Variants in MGAT5B observed in about 807,000 individuals in gnomAD.
MGAT5B encodes the protein alpha-1,6-mannosylglycoprotein 6-beta-N-acetylglucosaminyltransferase B.
A neutral mutation model predicts 95.1 loss-of-function variants in MGAT5B; 54 were observed. That is an observed-to-expected ratio of 0.57 (90% CI 0.46 to 0.71). The LOEUF (loss-of-function observed/expected upper bound fraction) is 0.71. Among genes scored for constraint, MGAT5B ranks in the 30% least tolerant of loss-of-function variants. The pLI is 0.00. For synonymous variants in MGAT5B, 464 were observed against 451.0 expected, an observed-to-expected ratio of 1.03 and a Z score of -0.36; for missense variants, 935 against 1,088.6, an observed-to-expected ratio of 0.86 and a Z score of 1.99.
intron 12 of MGAT5B, among the ~76,000 whole-genome samples, chr17:76,937,117 A>G (rs4789379): frequency 0.18 from 27,038 of 151,696 alleles, 2,604 homozygotes; most frequent in East Asian, 0.4. Flanking sequence ...CTCTTGGCTT[A>G]TAGCTGGGGG....
At chr17:76,873,102 GGC>G in intron 2 of MGAT5B, 139 bp downstream of exon 2, 4 of 926,600 alleles carry the variant, frequency 4.3e-6, no homozygotes, top group Non-Finnish European at 6.5e-6. Context: ...CCTGGGCTTG[GGC>G]CGTATGACCC....
intron 10 of MGAT5B, among the ~76,000 whole-genome samples, chr17:76,929,317 G>T (rs950750497): frequency 1.3e-5 from 2 of 152,142 alleles, no homozygotes; most frequent in African/African-American, 2.4e-5. Context: ...GGTGGAGCCC[G>T]CTGGATGTGG....
At chr17:76,882,486 T>TCTTTAAATAAAAC (rs1967465692) in intron 3 of MGAT5B, 188 bp downstream of exon 3, 1 of 642,652 alleles carries the variant, frequency 1.6e-6, no homozygotes, top group East Asian at 3.2e-5. Flanking sequence ...ATTTGTGGCC[T>TCTTTAAATAAAAC]GTTTTCCTCT....
At position 76,925,072 on chromosome 17, in the gene MGAT5B, A is replaced by G. The variant is rs766070064; in HGVS notation, c.1132A>G (p.Met378Val). Residue 378 changes from methionine to valine, a missense_variant, in exon 9 of 18, where the codon ATG becomes GTG. Physicochemically the swap from Met to Val is conservative, Grantham distance 21 (BLOSUM62 1). This residue lies in a region of MGAT5B where 243 missense variants were observed against 305.5 expected (regional missense o/e 0.80). Transcript: ENST00000569840. ...CGGCCTGCAGCAGATGAAGCGGCAC[A>G]TGGGACTCTCCTTCAAGAAGTACCG... ...YHGLQQMKRH[M>V]GLSFKKYRCR... 6.2e-7 allele frequency: 1 copy of G among 1,611,348 alleles called. No homozygotes were observed. The highest frequency in any genetic ancestry group is 1.7e-5 in the Admixed American group (1 of 59,922).
At position 76,870,753 on chromosome 17, in the gene MGAT5B, G is replaced by A. The variant is rs1966982643; in HGVS notation, c.68+1656G>A. Reference sequence around the variant, plus strand: ...TGAGTCCCTTCAGTTGAGGTGGGGGGCAGGCTGCAATCATAGCACCCCAGC... The same window carrying A: ...TGAGTCCCTTCAGTTGAGGTGGGGGACAGGCTGCAATCATAGCACCCCAGC... On this transcript the variant is annotated intron_variant, in intron 1 of 17. Coordinates refer to ENST00000569840, the MANE Select transcript of MGAT5B (RefSeq NM_001199172.2). This position sits in a 1 kb window ranked among gnomAD's most constrained non-coding sequence, Gnocchi z 5.0. Among the ~76,000 whole-genome samples the A allele has an allele frequency of 6.6e-6, 1 of 152,096 alleles. No homozygotes were observed. Among genetic ancestry groups the A allele is most frequent in the Non-Finnish European group, 1.5e-5 (1 of 67,994 alleles).
Position 76,915,148 on chromosome 17 carries a change from A to G in MGAT5B, c.1025+8961A>G, listed in dbSNP as rs1241390920. 2.6e-5 allele frequency among the ~76,000 whole-genome samples: 4 copies of G among 152,148 alleles called. No individual in the cohort carries two copies. The highest frequency in any genetic ancestry group is 5.9e-5 in the Non-Finnish European group (4 of 68,034). On this transcript the variant is annotated intron_variant, in intron 8 of 17. Transcript: ENST00000569840. The surrounding 1 kb of genome is among the most constrained non-coding windows in gnomAD (Gnocchi z 8.7). ...TTTATTTTTCGAGATAAGAGAGTGC[A>G]CTCATGTTTAAATGTGGCTGCAAAG...
chr17:76,898,182 G>T (rs1348891104), intron 3 of MGAT5B, among the ~76,000 whole-genome samples: 3 of 152,110 alleles, frequency 2.0e-5, no homozygotes, highest in Non-Finnish European at 4.4e-5. Context: ...GGTTACATAG[G>T]ATATTTCTAG....
At chr17:76,881,037 G>A (rs962731563) in intron 2 of MGAT5B, among the ~76,000 whole-genome samples, 3 of 152,144 alleles carry the variant, frequency 2.0e-5, no homozygotes, top group Admixed American at 2.0e-4. Flanking sequence ...TTTCAAGCCT[G>A]ATCCATAGGG....
At chr17:76,892,149 G>A (rs574411377) in intron 3 of MGAT5B, among the ~76,000 whole-genome samples, 6 of 152,288 alleles carry the variant, frequency 3.9e-5, no homozygotes, top group African/African-American at 1.4e-4. Context: ...CTGGGCTCAA[G>A]CAATCCTCCC....
chr17:76,894,857 AAAAAAAAG>A (rs1158196761), intron 3 of MGAT5B, among the ~76,000 whole-genome samples: 5 of 151,874 alleles, frequency 3.3e-5, no homozygotes, highest in Non-Finnish European at 7.4e-5. Flanking sequence ...TGTCTCAAAA[AAAAAAAAG>A]AAAAAAAGAA....
At chr17:76,873,292 G>A (rs1303569192) in intron 2 of MGAT5B, among the ~76,000 whole-genome samples, 1 of 152,238 alleles carries the variant, frequency 6.6e-6, no homozygotes, top group Non-Finnish European at 1.5e-5. Context: ...TTGTCTCCTT[G>A]AGGCACACAT....
At position 76,919,822 on chromosome 17, in the gene MGAT5B, C is replaced by T. The variant is rs114353187; in HGVS notation, c.1026-5144C>T. Among the ~76,000 whole-genome samples the T allele has an allele frequency of 4.4e-3, 667 of 152,350 alleles. 2 individuals are homozygous for T. Among genetic ancestry groups the T allele is most frequent in the African/African-American group, 0.015 (611 of 41,580 alleles). On this transcript the variant is annotated intron_variant, in intron 8 of 17. Coordinates refer to ENST00000569840, the MANE Select transcript of MGAT5B (RefSeq NM_001199172.2). ...GCACAGTTCAGTGGCAAAGCACACT[C>T]GCATTGTGGTGCAACCATCGCCACC...
intron 6 of MGAT5B, among the ~76,000 whole-genome samples, chr17:76,904,850 T>C (rs1390392528): frequency 6.6e-6 from 1 of 152,160 alleles, no homozygotes; most frequent in African/African-American, 2.4e-5. Context: ...GCCACGTCTG[T>C]CCCCTGCCAT....
chr17:76,882,333 G>A (rs1418743871), intron 3 of MGAT5B, 35 bp downstream of exon 3: 2 of 1,551,544 alleles, frequency 1.3e-6, no homozygotes, highest in Non-Finnish European at 1.7e-6. Context: ...CACGGAGCAG[G>A]GGAGCGGTGG....
chr17:76,925,244 T>TTC (rs1969270853), intron 9 of MGAT5B, 147 bp downstream of exon 9: 2 of 21,360 alleles, frequency 9.4e-5, no homozygotes, highest in Non-Finnish European at 1.7e-4. Flanking sequence ...CGCCCTCCCC[T>TTC]CCCCTCCCCT....
rs1967303469 is a variant in MGAT5B, at chr17:76,878,991, GC to G, written c.182-3159del. 3.3e-5 allele frequency among the ~76,000 whole-genome samples: 5 copies of G among 151,792 alleles called. No homozygotes were observed. In the South Asian group the frequency reaches 6.2e-4, roughly 19 times the overall value. On this transcript the variant is annotated intron_variant, in intron 2 of 17. Transcript: ENST00000569840. ...GCAGCAGAGCGGGCCTGGAGTCCAG[GC>G]TTCTGCCCCATCCCCCTTGACTGGG...
intron 2 of MGAT5B, among the ~76,000 whole-genome samples, 182 bp from the exon 3 acceptor site, chr17:76,881,969 C>T (rs780500534): frequency 4.6e-5 from 7 of 152,260 alleles, no homozygotes; most frequent in Admixed American, 6.5e-5. Context: ...TTCTCTGCAC[C>T]GCAAAGCAAT....
intron 3 of MGAT5B, among the ~76,000 whole-genome samples, chr17:76,894,913 A>T (rs774440148): frequency 1.3e-5 from 2 of 151,980 alleles, no homozygotes; most frequent in East Asian, 1.9e-4. Context: ...TTTAAATGGC[A>T]TTGATTTCCT....
At chr17:76,884,533 G>A (rs771723) in intron 3 of MGAT5B, among the ~76,000 whole-genome samples, 54,740 of 151,282 alleles carry the variant, frequency 0.36, 12,258 homozygotes, top group African/African-American at 0.6. Context: ...TCCTGGGTTC[G>A]AGCAATTCTT....
Sources: gnomAD v4.1 joint callset for allele counts (sites outside exome capture counted in the v4.1 genomes callset) on GRCh38, gnomAD v4.1.1 for gene constraint, gnomAD v4.1.1 regional missense constraint, Gnocchi (gnomAD v3.1) non-coding constraint, MANE v1.5 for transcripts, NCBI Gene and HGNC (gene_info 2026-07-23, HGNC 2026-07-21) for gene names.